Variants in PLEKHA4 observed in about 807,000 individuals in gnomAD.
The protein encoded by PLEKHA4 is pleckstrin homology domain-containing family A member 4.
A neutral mutation model predicts 94.7 loss-of-function variants in PLEKHA4; 73 were observed. The ratio of observed to expected loss-of-function variants is 0.77; its 90% CI spans 0.64 to 0.94. PLEKHA4 has a LOEUF of 0.94. PLEKHA4 is among the 40% of genes least tolerant of loss of function. The pLI, the probability that PLEKHA4 is intolerant of heterozygous loss-of-function variation, is 0.00. For missense variants in PLEKHA4, 1,049 were observed against 1,054.1 expected (o/e 1.00, Z 0.07); for synonymous variants, 449 against 437.1 (o/e 1.03, Z -0.34).
Position 48,845,288 on chromosome 19 carries a change from G to A in PLEKHA4, c.1743+82C>T, listed in dbSNP as rs780662074. The A allele has an allele frequency of 3.2e-4, 430 of 1,341,490 alleles. 1 individual carries two copies. The highest frequency in any genetic ancestry group is 4.3e-4 in the Non-Finnish European group (405 of 937,008). 83.1% of individuals were successfully genotyped at this position (1,341,490 alleles called of 1,614,324 possible). On this transcript the variant is annotated intron_variant, in intron 16 of 19. Transcript: ENST00000263265. ...TCTGCTCTGAGTATGGCCTTAGAAC[G>A]CTCTACTCCTAGCTGTTTCCCAGAA...
chr19:48,859,303 T>C, intron 7 of PLEKHA4, 164 bp from the exon 8 acceptor site: 2 of 903,048 alleles, frequency 2.2e-6, no homozygotes, highest in East Asian at 2.6e-5. Flanking sequence ...AATGTCCGCT[T>C]TGTGGCATCT....
intron 12 of PLEKHA4, 115 bp from the exon 13 acceptor site, chr19:48,852,441 G>T: frequency 1.3e-6 from 1 of 747,612 alleles, no homozygotes; most frequent in Non-Finnish European, 2.3e-6. Flanking sequence ...CTGGAGCCCT[G>T]CAGGCGTATG....
intron 8 of PLEKHA4, 68 bp downstream of exon 8, chr19:48,858,792 G>T: frequency 6.4e-7 from 1 of 1,567,276 alleles, no homozygotes; most frequent in Non-Finnish European, 8.8e-7. Context: ...ATGGCCTTGA[G>T]AATACGGAAA....
Position 48,867,451 on chromosome 19 carries a change from C to A in PLEKHA4, c.84+86G>T. On this transcript the variant is annotated intron_variant, in intron 2 of 19. Coordinates refer to ENST00000263265, the MANE Select transcript of PLEKHA4 (RefSeq NM_020904.3). This position sits in a 1 kb window ranked among gnomAD's most constrained non-coding sequence, Gnocchi z 4.7. ...GACCCCGTTGCTAAGGATCTTTGTC[C>A]TTAACAACCAGAGTCCTTGGGGAAA... The A allele has an allele frequency of 6.8e-7, 1 of 1,461,224 alleles. No individual in the cohort carries two copies. Among genetic ancestry groups the A allele is most frequent in the Non-Finnish European group, 9.3e-7 (1 of 1,076,878 alleles). 90.5% of individuals were successfully genotyped at this position (1,461,224 alleles called of 1,614,324 possible).
intron 14 of PLEKHA4, 128 bp downstream of exon 14, chr19:48,847,772 G>T: frequency 8.8e-7 from 1 of 1,131,162 alleles, no homozygotes; most frequent in Non-Finnish European, 1.2e-6. Flanking sequence ...GGCTTCCAGA[G>T]GTTAGGACAC....
At position 48,841,222 on chromosome 19, in the gene PLEKHA4, G is replaced by A. The variant is rs376011372; in HGVS notation, c.1832C>T (p.Pro611Leu). The change falls in exon 17 of 20, where the codon CCG becomes CTG. Residue 611 changes from proline (P) to leucine (L), a missense_variant. Transcript: ENST00000263265. Reference protein sequence around the residue: ...NQECGRPFPRPTSPRLLTLGR... With the variant: ...NQECGRPFPRLTSPRLLTLGR... ...CAGGGTGAGAAGCCGGGGGGAGGTC[G>A]GGCGAGGGAAGGGCCGTCCACATTC... 23 of 1,613,190 alleles carry A rather than the reference G, an allele frequency of 1.4e-5. No homozygotes were observed. The South Asian group carries it at 1.7e-4, about 12-fold the overall frequency.
At chr19:48,849,820 C>T (rs1459134089) in intron 13 of PLEKHA4, among the ~76,000 whole-genome samples, 1 of 152,114 alleles carries the variant, frequency 6.6e-6, no homozygotes, top group Non-Finnish European at 1.5e-5. Flanking sequence ...GGAAAAAAGG[C>T]TGAGGGTTGG....
intron 17 of PLEKHA4, among the ~76,000 whole-genome samples, chr19:48,839,812 T>C (rs1055382956): frequency 2.6e-5 from 4 of 151,842 alleles, no homozygotes; most frequent in African/African-American, 9.7e-5. Context: ...TATAAAAGTC[T>C]AAGGGGCCGG....
chr19:48,859,513 G>A lies in PLEKHA4; in HGVS notation c.648C>T (p.Thr216=), dbSNP rs749436200. ...GCATCTGGAGTCCAGAGTGGAGGTC[G>A]GTTGTGGGGCTGGGAGTGAGCAGCC... ...RPRLLTPSPT[T]DLHSGLQMRR... The change falls in exon 7 of 20, where the codon ACC becomes ACT. Residue 216 remains threonine (T), a synonymous_variant. Transcript: ENST00000263265. The A allele has an allele frequency of 3.1e-6, 5 of 1,614,022 alleles. No individual in the cohort carries two copies. The highest frequency in any genetic ancestry group is 3.3e-4 in the Middle Eastern group (2 of 6,062).
intron 13 of PLEKHA4, among the ~76,000 whole-genome samples, chr19:48,850,040 G>A (rs1009221883): frequency 4.0e-5 from 6 of 148,542 alleles, no homozygotes; most frequent in Non-Finnish European, 6.0e-5. Flanking sequence ...GTGAAACCCC[G>A]TCTCTACTAA....
intron 9 of PLEKHA4, among the ~76,000 whole-genome samples, chr19:48,856,981 T>TTTAAG (rs2036446705): frequency 6.7e-6 from 1 of 148,378 alleles, no homozygotes; most frequent in Admixed American, 6.7e-5. Flanking sequence ...TTTTTGCGGA[T>TTTAAG]TTAAGTTAAG....
chr19:48,851,573 G>A (rs759441788), intron 13 of PLEKHA4, among the ~76,000 whole-genome samples: 74 of 152,144 alleles, frequency 4.9e-4, no homozygotes, highest in Non-Finnish European at 7.9e-4. Context: ...CTGAGATCGT[G>A]CCATTGCACT....
chr19:48,854,110 T>C (rs1327957001), intron 10 of PLEKHA4, 23 bp from the exon 11 acceptor site: 1 of 1,614,102 alleles, frequency 6.2e-7, no homozygotes, highest in Admixed American at 1.7e-5. Flanking sequence ...GAGCGGGAGC[T>C]ACTGATGGTC....
intron 16 of PLEKHA4, among the ~76,000 whole-genome samples, chr19:48,843,474 C>T (rs577253249): frequency 1.1e-4 from 17 of 150,876 alleles, no homozygotes; most frequent in Middle Eastern, 3.5e-3. Flanking sequence ...CCACCGCACG[C>T]GGTCTTTTTT....
Position 48,861,654 on chromosome 19 carries a change from G to A in PLEKHA4, c.231C>T (p.Phe77=), listed in dbSNP as rs770549859. The change falls in exon 4 of 20, where the codon TTC becomes TTT. Residue 77 remains phenylalanine, a synonymous_variant. Transcript: ENST00000263265. ...SGLRLWKRRW[F]VLSGHCLFYY... ...AAAAGAGGCAATGGCCGGAGAGGAC[G>A]AACCAGCGGCGTTTCCAGAGACGGA... 8.7e-6 allele frequency: 14 copies of A among 1,614,092 alleles called. No homozygotes were observed. The highest frequency in any genetic ancestry group is 4.4e-5 in the South Asian group (4 of 91,086).
intron 9 of PLEKHA4, among the ~76,000 whole-genome samples, chr19:48,856,493 G>A (rs2036415277): frequency 6.6e-6 from 1 of 152,024 alleles, no homozygotes; most frequent in South Asian, 2.1e-4. Flanking sequence ...GCCGAGGCGG[G>A]AGGATCACGA....
Position 48,841,182 on chromosome 19 carries a change from G to A in PLEKHA4, c.1872C>T (p.Ser624=). The stretch of plus-strand genomic sequence containing the variant: ...CCACGTCAGGCTGGCGTCTGGCTGG[G>A]GACAGTGTCCTTCCCAGGGTGAGAA... ...PRLLTLGRTL[S]PARRQPDVEQ... is the part of the protein sequence containing the mutation. Residue 624 remains serine, a synonymous_variant, in exon 17 of 20, where the codon TCC becomes TCT. Coordinates refer to ENST00000263265, the MANE Select transcript of PLEKHA4 (RefSeq NM_020904.3). The A allele has an allele frequency of 1.2e-6, 2 of 1,612,022 alleles. No individual in the cohort carries two copies.
At chr19:48,856,929 GA>G (rs1167848701) in intron 9 of PLEKHA4, among the ~76,000 whole-genome samples, 35 of 124,200 alleles carry the variant, frequency 2.8e-4, no homozygotes, top group African/African-American at 1.4e-3. Flanking sequence ...AAGAAAGAAA[GA>G]AAAGAAAAGA....
chr19:48,859,603 C>A lies in PLEKHA4; in HGVS notation c.558G>T (p.Gly186=). The change falls in exon 7 of 20, where the codon GGG becomes GGT. Residue 186 remains glycine (G), a synonymous_variant. Transcript: ENST00000263265. ...GTGATTCTGAGATGCGCCCCTCTTCCCCTCTGCTCACCTCCGGGGGACCAC... is the reference window on the plus strand; with the variant it reads ...GTGATTCTGAGATGCGCCCCTCTTCACCTCTGCTCACCTCCGGGGGACCAC... ...GPGGPPEVSR[G]EEGRISESPE... 6.2e-7 allele frequency: 1 copy of A among 1,613,744 alleles called. No homozygotes were observed. Among genetic ancestry groups the A allele is most frequent in the South Asian group, 1.1e-5 (1 of 91,080 alleles).
Sources: gnomAD v4.1 joint callset for allele counts (sites outside exome capture counted in the v4.1 genomes callset) on GRCh38, gnomAD v4.1.1 for gene constraint, Gnocchi (gnomAD v3.1) non-coding constraint, MANE v1.5 for transcripts, NCBI Gene and HGNC (gene_info 2026-07-23, HGNC 2026-07-21) for gene names.